BLOC1S3: variants seen among roughly 807,000 people sequenced by gnomAD.
BLOC1S3 encodes biogenesis of lysosomal organelles complex 1 subunit 3, also known as biogenesis of lysosome-related organelles complex 1 subunit 3.
BLOC1S3 carries 7 observed loss-of-function variants against 9.1 expected under a neutral mutation model. That is an observed-to-expected ratio of 0.77 (90% CI 0.44 to 1.45). The LOEUF (loss-of-function observed/expected upper bound fraction) is 1.45, where lower values mean the gene tolerates loss of function less well. BLOC1S3 is among the 40% of genes most tolerant of loss of function. BLOC1S3 has a pLI of 0.01. For missense variants in BLOC1S3, 307 were observed against 315.2 expected (o/e 0.97, Z 0.20); for synonymous variants, 145 against 158.4 (o/e 0.92, Z 0.64).
At chr19:45,188,815 A>ACCCAC (rs2122901867) in intron 2 of BLOC1S3, among the ~76,000 whole-genome samples, 1 of 148,118 alleles carries the variant, frequency 6.8e-6, no homozygotes, top group Non-Finnish European at 1.5e-5. Context: ...CAGGTGATCC[A>ACCCAC]CCCACCTTGG....
At chr19:45,216,517 T>G (rs1410801944) in intron 3 of BLOC1S3, among the ~76,000 whole-genome samples, 1 of 151,998 alleles carries the variant, frequency 6.6e-6, no homozygotes, top group African/African-American at 2.4e-5. Context: ...AGGCAGAGGT[T>G]ACAGTGAGCG....
At chr19:45,200,879 GCT>G in intron 2 of BLOC1S3, among the ~76,000 whole-genome samples, 1 of 152,284 alleles carries the variant, frequency 6.6e-6, no homozygotes, top group South Asian at 2.1e-4. Context: ...GGCACCCCAG[GCT>G]CAGTAATGCT....
Position 45,181,110 on chromosome 19 carries a change from T to TCCTCCCC in BLOC1S3, c.*1206_*1212dup, listed in dbSNP as rs1238756900. 6.0e-6 allele frequency: 1 copy of TCCTCCCC among 167,808 alleles called. No individual in the cohort carries two copies. 10.4% of individuals were successfully genotyped at this position (167,808 alleles called of 1,614,324 possible). On this transcript the variant is annotated 3_prime_UTR_variant, in exon 2 of 2. Coordinates refer to ENST00000433642, the MANE Select transcript of BLOC1S3 (RefSeq NM_212550.5). Reference sequence around the variant, plus strand: ...TTTGTTCTCCCATCTGCCTCCTGCCTCCTCCCCTTTGAGCTTAGCCCCGCC... The same window carrying TCCTCCCC: ...TTTGTTCTCCCATCTGCCTCCTGCCTCCTCCCCCCTCCCCTTTGAGCTTAGCCCCGCC...
rs1394259463 is a variant in BLOC1S3 at position 45,181,381 on chromosome 19, T to C, written c.*1476T>C. Reference sequence around the variant, plus strand: ...CTCCAGGCCAAGATGATGCTCGCTCTCAACTCTGTAGGCCAAGGTGGCGTC... The same window carrying C: ...CTCCAGGCCAAGATGATGCTCGCTCCCAACTCTGTAGGCCAAGGTGGCGTC... On this transcript the variant is annotated 3_prime_UTR_variant, in exon 2 of 2. Transcript: ENST00000433642. 6.0e-6 allele frequency: 1 copy of C among 167,140 alleles called. No individual in the cohort carries two copies. The highest frequency in any genetic ancestry group is 1.9e-4 in the East Asian group (1 of 5,208). 10.4% of individuals were successfully genotyped at this position (167,140 alleles called of 1,614,324 possible). A position where few individuals can be genotyped will look rare whatever the true frequency, so the allele number is the denominator to read the frequency against.
intron 2 of BLOC1S3, chr19:45,199,026 T>A (rs1430541236): frequency 6.6e-6 from 1 of 152,158 alleles, no homozygotes; most frequent in African/African-American, 2.4e-5. Flanking sequence ...AAGTTATTTG[T>A]TACTTTTCTC....
intron 2 of BLOC1S3, among the ~76,000 whole-genome samples, chr19:45,188,720 G>C (rs966494391): frequency 1.3e-5 from 2 of 151,666 alleles, no homozygotes; most frequent in African/African-American, 4.8e-5. Flanking sequence ...TTACAGGCAC[G>C]CGCCCCCATG....
At chr19:45,183,531 C>CCCT (rs1969542711), downstream of BLOC1S3, among the ~76,000 whole-genome samples, 6 of 151,556 alleles carry the variant, frequency 4.0e-5, no homozygotes, top group South Asian at 1.0e-3. Context: ...CCTGAGCACT[C>CCCT]CCTCCAGCTC....
At chr19:45,196,200 AT>A (rs79860279) in intron 2 of BLOC1S3, among the ~76,000 whole-genome samples, 14,919 of 151,110 alleles carry the variant, frequency 0.099, 955 homozygotes, top group East Asian at 0.29. Flanking sequence ...TTAATTTTTT[AT>A]TTTTTTTTGA....
At position 45,181,743 on chromosome 19, in the gene BLOC1S3, A is replaced by G. The variant is rs1308020859; in HGVS notation, c.*1838A>G. ...CCCGAAGCCAAGATCTGAGCCCCCA[A>G]GATGGAGAATGGGGAGGAGCTTTTT... is the stretch of plus-strand genomic sequence containing the variant. On this transcript the variant is annotated 3_prime_UTR_variant, in exon 2 of 2. Coordinates refer to ENST00000433642, the MANE Select transcript of BLOC1S3 (RefSeq NM_212550.5). 4 of 167,188 alleles carry G rather than the reference A, an allele frequency of 2.4e-5. No homozygotes were observed. The East Asian group carries it at 5.8e-4, about 24-fold the overall frequency. The allele number at this position is 167,188 out of a possible 1,614,324, so 10.4% of individuals were successfully genotyped here.
intron 3 of BLOC1S3, among the ~76,000 whole-genome samples, chr19:45,202,939 T>C (rs1969702111): frequency 1.3e-5 from 2 of 152,028 alleles, no homozygotes; most frequent in African/African-American, 2.4e-5. Flanking sequence ...TCCAAAAATG[T>C]CATCCAGGAG....
Position 45,179,745 on chromosome 19 carries a change from A to G in BLOC1S3, c.449A>G (p.Gln150Arg), listed in dbSNP as rs948696809. ...AALASRLAAA[Q>R]AAGLAAAHSV... ...CTGGCTAGTAGGCTGGCGGCAGCCC[A>G]GGCGGCGGGGCTGGCGGCGGCCCAC... The change falls in exon 2 of 2, where the codon CAG becomes CGG. Residue 150 changes from glutamine to arginine, a missense_variant. Physicochemically the swap from Gln to Arg is conservative, Grantham distance 43. Transcript: ENST00000433642. This position sits in a 1 kb window ranked among gnomAD's most constrained non-coding sequence, Gnocchi z 4.6. 198 of 1,464,384 alleles carry G rather than the reference A, an allele frequency of 1.4e-4. No individual in the cohort carries two copies. Among genetic ancestry groups the G allele is most frequent in the Non-Finnish European group, 1.7e-4 (192 of 1,117,058 alleles). 90.7% of individuals were successfully genotyped at this position (1,464,384 alleles called of 1,614,324 possible).
intron 2 of BLOC1S3, among the ~76,000 whole-genome samples, chr19:45,189,618 A>AT (rs1969590754): frequency 6.2e-5 from 4 of 64,988 alleles, no homozygotes; most frequent in Non-Finnish European, 1.3e-4. Context: ...TTTTTTTGGT[A>AT]TTTTTTAGTA....
At chr19:45,191,748 A>T (rs77739063) in intron 2 of BLOC1S3, among the ~76,000 whole-genome samples, 2,196 of 152,332 alleles carry the variant, frequency 0.014, 60 homozygotes, top group African/African-American at 0.051. Flanking sequence ...TCAGGCAGAG[A>T]TTCTTGTCTT....
upstream of BLOC1S3, among the ~76,000 whole-genome samples, chr19:45,186,824 G>A (rs1041177707): frequency 1.3e-5 from 2 of 152,186 alleles, no homozygotes; most frequent in Admixed American, 6.5e-5. Flanking sequence ...GGTCCATCTC[G>A]CTGAGCTCAT....
Position 45,181,649 on chromosome 19 carries a change from CT to C in BLOC1S3, c.*1745del, listed in dbSNP as rs1969523141. On this transcript the variant is annotated 3_prime_UTR_variant, in exon 2 of 2. Transcript: ENST00000433642. The stretch of plus-strand genomic sequence containing the variant: ...CACCTGTGTTTTCTTCCGATCCCAG[CT>C]CTGGTCCCTCAGCCGCATTCATATT... The C allele has an allele frequency of 6.0e-6, 1 of 167,120 alleles. No individual in the cohort carries two copies. The highest frequency in any genetic ancestry group is 2.4e-5 in the African/African-American group (1 of 41,440). 10.4% of individuals were successfully genotyped at this position (167,120 alleles called of 1,614,324 possible). A position where few individuals can be genotyped will look rare whatever the true frequency, so the allele number is the denominator to read the frequency against.
rs142136978 is a variant in BLOC1S3 at position 45,207,422 on chromosome 19, C to T, written n.282+4915C>T. Among the ~76,000 whole-genome samples, 539 of 152,032 alleles carry T rather than the reference C, an allele frequency of 3.5e-3. 3 individuals are homozygous for T. Among genetic ancestry groups the T allele is most frequent in the African/African-American group, 0.012 (509 of 41,480 alleles). ...TGCTGGGATTACAGGCGTGAGCCAC[C>T]GCGCCTCACCTGCCTTGTTTTTTTA... On this transcript the variant is annotated intron_variant and non_coding_transcript_variant, in intron 3 of 3. Coordinates refer to the BLOC1S3 transcript ENST00000591569.
At chr19:45,206,069 C>T (rs931813968) in intron 3 of BLOC1S3, among the ~76,000 whole-genome samples, 12 of 152,030 alleles carry the variant, frequency 7.9e-5, no homozygotes, top group Non-Finnish European at 1.5e-4. Flanking sequence ...AATTAGGGGC[C>T]GGGCGCAGTG....
At chr19:45,216,038 GCACGGCGAGC>G in intron 3 of BLOC1S3, 1 of 1,609,250 alleles carries the variant, frequency 6.2e-7, no homozygotes, top group Non-Finnish European at 8.5e-7. Flanking sequence ...CCTCGGCCAG[GCACGGCGAGC>G]CCTGGCCCAG....
intron 2 of BLOC1S3, among the ~76,000 whole-genome samples, chr19:45,200,204 C>T (rs1412866196): frequency 1.3e-4 from 16 of 121,576 alleles, no homozygotes; most frequent in Admixed American, 1.9e-4. Context: ...TTTTTTGAGA[C>T]GGAGTCTCGC....
Sources: allele counts gnomAD v4.1 joint callset (sites outside exome capture counted in the v4.1 genomes callset), GRCh38; gene constraint gnomAD v4.1.1; non-coding constraint Gnocchi (gnomAD v3.1); transcripts MANE v1.5; gene names NCBI Gene and HGNC (gene_info 2026-07-23, HGNC 2026-07-21).